Variants in PTPRG observed in about 807,000 individuals in gnomAD.
PTPRG encodes the protein receptor-type tyrosine-protein phosphatase gamma.
In PTPRG, 102 loss-of-function variants were observed where a neutral mutation model predicts 165.3. The ratio of observed to expected loss-of-function variants is 0.62; its 90% confidence interval spans 0.53 to 0.73. The LOEUF (loss-of-function observed/expected upper bound fraction) is 0.73, where lower values mean the gene tolerates loss of function less well. Ranked by LOEUF, PTPRG falls within the 30% of genes least tolerant of loss-of-function variation. The probability of loss-of-function intolerance (pLI) is 0.00; values close to 1 mark genes in which losing one functional copy is unlikely to be tolerated. For missense variants in PTPRG, 1,866 were observed against 1,861.4 expected (o/e 1.00, Z -0.05); for synonymous variants, 675 against 669.5 (o/e 1.01, Z -0.13).
intron 1 of PTPRG, among the ~76,000 whole-genome samples, chr3:61,613,020 A>G (rs919363777): frequency 1.3e-5 from 2 of 152,168 alleles, no homozygotes; most frequent in African/African-American, 2.4e-5. Flanking sequence ...AATGCTTTCC[A>G]TAAAGCCACC....
At chr3:61,894,522 C>T (rs1019539997) in intron 2 of PTPRG, among the ~76,000 whole-genome samples, 15 of 152,040 alleles carry the variant, frequency 9.9e-5, no homozygotes, top group African/African-American at 3.1e-4. Context: ...TGGTTTTTGA[C>T]AGTCATCTCT....
At chr3:61,944,161 C>G (rs2039698649) in intron 2 of PTPRG, among the ~76,000 whole-genome samples, 1 of 152,082 alleles carries the variant, frequency 6.6e-6, no homozygotes, top group African/African-American at 2.4e-5. Flanking sequence ...CTGCAGCATC[C>G]TGGGTCTCTA....
At chr3:61,936,563 G>T (rs2039490379) in intron 2 of PTPRG, among the ~76,000 whole-genome samples, 1 of 152,104 alleles carries the variant, frequency 6.6e-6, no homozygotes, top group Non-Finnish European at 1.5e-5. Flanking sequence ...AGCTGTGCTC[G>T]GTCTGCTGGA....
At chr3:62,142,491 G>A (rs1251839849) in intron 6 of PTPRG, among the ~76,000 whole-genome samples, 1 of 152,078 alleles carries the variant, frequency 6.6e-6, no homozygotes, top group Non-Finnish European at 1.5e-5. Context: ...TTCTGCATGG[G>A]TGTTATATTT....
intron 8 of PTPRG, among the ~76,000 whole-genome samples, chr3:62,173,266 A>T (rs1705288647): frequency 6.6e-6 from 1 of 151,720 alleles, no homozygotes; most frequent in African/African-American, 2.4e-5. Context: ...TTTTCCTTCC[A>T]AATATTTTTG....
chr3:62,083,660 A>G (rs965925839), intron 5 of PTPRG, among the ~76,000 whole-genome samples: 11 of 152,316 alleles, frequency 7.2e-5, no homozygotes, highest in Admixed American at 3.9e-4. Flanking sequence ...AGAGTACCCA[A>G]TACTTACAAT....
At chr3:61,653,903 G>GGGT (rs56696186) in intron 1 of PTPRG, among the ~76,000 whole-genome samples, 13,542 of 137,646 alleles carry the variant, frequency 0.098, 1,272 homozygotes, top group Non-Finnish European at 0.1. Flanking sequence ...GAGCGGTGGG[G>GGGT]GGCGCGGGGA....
chr3:61,794,090 A>C (rs77057649), intron 2 of PTPRG, among the ~76,000 whole-genome samples: 3,690 of 152,206 alleles, frequency 0.024, 153 homozygotes, highest in African/African-American at 0.083. Flanking sequence ...CGTTTGCCCA[A>C]CTGCCTTGAC....
chr3:62,057,765 A>T (rs1700680609), intron 4 of PTPRG, among the ~76,000 whole-genome samples: 1 of 152,224 alleles, frequency 6.6e-6, no homozygotes, highest in African/African-American at 2.4e-5. Flanking sequence ...CCAAAAAGGT[A>T]ATGCCCAAGA....
chr3:61,736,161 G>T (rs191704105), intron 1 of PTPRG, among the ~76,000 whole-genome samples: 112 of 151,828 alleles, frequency 7.4e-4, no homozygotes, highest in African/African-American at 2.6e-3. Flanking sequence ...GCCTGCCTCA[G>T]CCTCCCAAAG....
chr3:62,235,316 G>A (rs2106931775), intron 14 of PTPRG, among the ~76,000 whole-genome samples: 1 of 152,236 alleles, frequency 6.6e-6, no homozygotes, highest in Middle Eastern at 3.4e-3. Context: ...TCTAGGGTCT[G>A]AAGGGTGAGA....
intron 28 of PTPRG, among the ~76,000 whole-genome samples, chr3:62,290,868 C>T (rs1454562742): frequency 1.3e-4 from 20 of 152,016 alleles, no homozygotes; most frequent in Admixed American, 1.3e-3. Context: ...AAAGCATTCT[C>T]AAACAAGATT....
intron 4 of PTPRG, among the ~76,000 whole-genome samples, chr3:62,022,761 TAAC>T (rs955078515): frequency 1.3e-5 from 2 of 152,198 alleles, no homozygotes; most frequent in African/African-American, 4.8e-5. Flanking sequence ...CAGCTTAAGA[TAAC>T]AAACCTACTG....
At chr3:62,123,347 G>C (rs1703151964) in intron 5 of PTPRG, among the ~76,000 whole-genome samples, 1 of 152,274 alleles carries the variant, frequency 6.6e-6, no homozygotes, top group South Asian at 2.1e-4. Context: ...CCAGGCTCCA[G>C]CTATCCTCCC....
chr3:62,271,270 C>T lies in PTPRG; in HGVS notation c.3010-113C>T, dbSNP rs2148872726. On this transcript the variant is annotated intron_variant, in intron 20 of 29. Transcript: ENST00000474889. The surrounding 1 kb of genome is among the most constrained non-coding windows in gnomAD (Gnocchi z 4.1). ...AAGGGGGAATAACCTAGCCTGGGAA[C>T]AGTGATTAGGGTGAATGTGATCAGT... The T allele has an allele frequency of 2.3e-6, 2 of 882,674 alleles. No individual in the cohort carries two copies. The highest frequency in any genetic ancestry group is 3.2e-5 in the Admixed American group (1 of 31,550). The allele number at this position is 882,674 out of a possible 1,614,324, so 54.7% of individuals were successfully genotyped here. A position where few individuals can be genotyped will look rare whatever the true frequency, so the allele number is the denominator to read the frequency against.
At chr3:61,858,071 A>G (rs1475487071) in intron 2 of PTPRG, among the ~76,000 whole-genome samples, 1 of 152,238 alleles carries the variant, frequency 6.6e-6, no homozygotes, top group African/African-American at 2.4e-5. Flanking sequence ...AATGGGTTGT[A>G]ATAAGTTTTT....
chr3:62,279,758 T>C (rs898953558), intron 26 of PTPRG, among the ~76,000 whole-genome samples: 1 of 152,112 alleles, frequency 6.6e-6, no homozygotes, highest in African/African-American at 2.4e-5. Context: ...GAAAGGGTGA[T>C]AAGTCTCATT....
chr3:62,015,153 GCA>G (rs1484421119), intron 4 of PTPRG, among the ~76,000 whole-genome samples: 1 of 152,186 alleles, frequency 6.6e-6, no homozygotes, highest in Non-Finnish European at 1.5e-5. Flanking sequence ...TCTAAATGAC[GCA>G]CAGTGTTTAT....
At chr3:62,201,620 C>T in intron 11 of PTPRG, 66 bp downstream of exon 11, 3 of 1,505,816 alleles carry the variant, frequency 2.0e-6, no homozygotes, top group South Asian at 1.2e-5. Flanking sequence ...TTAAAACTGT[C>T]ACCACGAAGT....
Sources: allele counts gnomAD v4.1 joint callset (sites outside exome capture counted in the v4.1 genomes callset), GRCh38; gene constraint gnomAD v4.1.1; non-coding constraint Gnocchi (gnomAD v3.1); transcripts MANE v1.5; gene names NCBI Gene and HGNC (gene_info 2026-07-23, HGNC 2026-07-21).